MYO1D: variants seen among roughly 807,000 people sequenced by gnomAD.
MYO1D encodes myosin ID.
A neutral mutation model predicts 122.0 loss-of-function variants in MYO1D; 83 were observed. That is an observed-to-expected ratio of 0.68 (90% CI 0.57 to 0.82). The LOEUF is 0.82. Ranked by LOEUF, MYO1D falls within the 40% of genes least tolerant of loss-of-function variation. MYO1D has a pLI of 0.00. For synonymous variants in MYO1D, 464 were observed against 446.9 expected, an observed-to-expected ratio of 1.04 and a Z score of -0.48; for missense variants, 1,157 against 1,269.5, an observed-to-expected ratio of 0.91 and a Z score of 1.35.
intron 14 of MYO1D, 44 bp downstream of exon 14, chr17:32,738,209 A>C: frequency 6.7e-7 from 1 of 1,502,636 alleles, no homozygotes; most frequent in Non-Finnish European, 9.0e-7. Context: ...CATCAAGAGG[A>C]AATCTATGAG....
At chr17:32,538,683 C>T (rs1372557429) in intron 21 of MYO1D, among the ~76,000 whole-genome samples, 1 of 151,952 alleles carries the variant, frequency 6.6e-6, no homozygotes, top group Non-Finnish European at 1.5e-5. Context: ...ATAGCAAAGA[C>T]ATGGAATCAA....
intron 17 of MYO1D, among the ~76,000 whole-genome samples, chr17:32,656,042 T>C (rs2088472362): frequency 6.6e-6 from 1 of 152,210 alleles, no homozygotes; most frequent in Admixed American, 6.5e-5. Context: ...AAAAATAACC[T>C]GTTCCTGATT....
At chr17:32,620,471 G>A (rs1044585856) in intron 20 of MYO1D, among the ~76,000 whole-genome samples, 77 of 152,134 alleles carry the variant, frequency 5.1e-4, no homozygotes, top group Non-Finnish European at 1.0e-3. Context: ...CTCTGTGCCT[G>A]CTGGTGTTTC....
chr17:32,874,304 C>CTCTCTCTCTCTGTGTCTCTG (rs6146033), intron 1 of MYO1D, among the ~76,000 whole-genome samples: 24 of 148,906 alleles, frequency 1.6e-4, no homozygotes, highest in Admixed American at 3.4e-4. Context: ...GTCTCTGTCT[C>CTCTCTCTCTCTGTGTCTCTG]TCTCTCTCTC....
chr17:32,595,825 A>C (rs1431847472), intron 21 of MYO1D, among the ~76,000 whole-genome samples: 2 of 152,184 alleles, frequency 1.3e-5, no homozygotes, highest in African/African-American at 4.8e-5. Flanking sequence ...TGTCAGGTGG[A>C]GTTGACAGCC....
At chr17:32,703,548 T>C (rs550214980) in intron 16 of MYO1D, among the ~76,000 whole-genome samples, 2 of 151,022 alleles carry the variant, frequency 1.3e-5, no homozygotes, top group East Asian at 2.0e-4. Context: ...CCTGGGTAGG[T>C]GAGATTACAG....
chr17:32,821,684 C>G (rs2090666484), intron 1 of MYO1D, among the ~76,000 whole-genome samples: 1 of 152,060 alleles, frequency 6.6e-6, no homozygotes, highest in Non-Finnish European at 1.5e-5. Flanking sequence ...ATACTAGGGA[C>G]TGGGGGGAAA....
intron 21 of MYO1D, among the ~76,000 whole-genome samples, chr17:32,543,112 G>C (rs1910894171): frequency 6.6e-6 from 1 of 151,258 alleles, no homozygotes; most frequent in Admixed American, 6.6e-5. Context: ...TGTAGTCCCA[G>C]CTACTCGGGA....
chr17:32,723,931 A>G (rs1197983099), intron 14 of MYO1D, among the ~76,000 whole-genome samples: 1 of 152,094 alleles, frequency 6.6e-6, no homozygotes, highest in Non-Finnish European at 1.5e-5. Flanking sequence ...TTAGATATTA[A>G]ATTTTGGTAT....
In MYO1D at chr17:32,764,956, A is replaced by G. The variant is rs145457903; in HGVS notation, c.957T>C (p.Thr319=). 10 of 1,614,114 alleles carry G rather than the reference A, an allele frequency of 6.2e-6. No homozygotes were observed. In the African/African-American group the frequency reaches 6.7e-5, roughly 11 times the overall value. ...CAATGATGTCACGGCCTGTGGCCAC[A>G]GTCCGGTAAAGAAGGGCTTTCTCAA... ...DMVEKALLYR[T]VATGRDIIDK... is the part of the protein sequence containing the mutation. The change falls in exon 8 of 22, where the codon ACT becomes ACC. Residue 319 remains threonine (T), a synonymous_variant. Coordinates refer to ENST00000318217, the MANE Select transcript of MYO1D (RefSeq NM_015194.3).
At chr17:32,703,000 C>T (rs1598022993) in intron 16 of MYO1D, among the ~76,000 whole-genome samples, 2 of 152,302 alleles carry the variant, frequency 1.3e-5, no homozygotes, top group South Asian at 2.1e-4. Context: ...GCTAAGTTAC[C>T]TACAAATTGC....
chr17:32,753,054 A>G (rs1391087666), intron 11 of MYO1D, among the ~76,000 whole-genome samples: 4 of 152,250 alleles, frequency 2.6e-5, no homozygotes, highest in African/African-American at 9.6e-5. Context: ...ATAGAAAGAA[A>G]ATGTGATATA....
intron 17 of MYO1D, among the ~76,000 whole-genome samples, 198 bp from the exon 18 acceptor site, chr17:32,654,819 A>C (rs2088452761): frequency 6.6e-6 from 1 of 152,050 alleles, no homozygotes; most frequent in Non-Finnish European, 1.5e-5. Flanking sequence ...CTGGGATTAC[A>C]GGTGTGTGCC....
chr17:32,620,105 TGTG>T (rs1431871379), intron 20 of MYO1D, among the ~76,000 whole-genome samples: 1 of 152,164 alleles, frequency 6.6e-6, no homozygotes, highest in Non-Finnish European at 1.5e-5. Flanking sequence ...ACACCGCTCT[TGTG>T]GGGAGTATGA....
chr17:32,640,299 C>T (rs2088177267), intron 19 of MYO1D, among the ~76,000 whole-genome samples: 1 of 152,128 alleles, frequency 6.6e-6, no homozygotes, highest in Non-Finnish European at 1.5e-5. Flanking sequence ...GAGTGAAGAG[C>T]TTCTATAGCA....
intron 19 of MYO1D, among the ~76,000 whole-genome samples, chr17:32,640,172 G>C (rs1274338926): frequency 6.6e-6 from 1 of 152,034 alleles, no homozygotes; most frequent in East Asian, 1.9e-4. Context: ...CTGTAATTGA[G>C]AGTAAAATAG....
At chr17:32,668,188 T>A (rs879620701) in intron 16 of MYO1D, among the ~76,000 whole-genome samples, 1 of 152,188 alleles carries the variant, frequency 6.6e-6, no homozygotes, top group Non-Finnish European at 1.5e-5. Flanking sequence ...CTAAACTGCA[T>A]TTTGATGTAG....
At chr17:32,570,967 C>T (rs891408370) in intron 21 of MYO1D, among the ~76,000 whole-genome samples, 1 of 151,634 alleles carries the variant, frequency 6.6e-6, no homozygotes, top group African/African-American at 2.4e-5. Context: ...AGATTAGTTC[C>T]ACTTGAGGCT....
intron 21 of MYO1D, among the ~76,000 whole-genome samples, chr17:32,519,901 T>A (rs546383838): frequency 0.025 from 3,312 of 132,204 alleles, 54 homozygotes; most frequent in South Asian, 0.067. Context: ...TTTTTTTTTT[T>A]AAAAAAAAAA....
Sources: gnomAD v4.1 joint callset for allele counts (sites outside exome capture counted in the v4.1 genomes callset) on GRCh38, gnomAD v4.1.1 for gene constraint, MANE v1.5 for transcripts, NCBI Gene and HGNC (gene_info 2026-07-23, HGNC 2026-07-21) for gene names.